The following FBXL6 variants were observed in gnomAD, a reference collection of about 807,000 sequenced individuals.
FBXL6 encodes F-box and leucine rich repeat protein 6.
A neutral mutation model predicts 53.3 loss-of-function variants in FBXL6; 50 were observed. That is an observed-to-expected ratio of 0.94 (90% CI 0.75 to 1.19). The LOEUF (loss-of-function observed/expected upper bound fraction) is 1.19, where lower values mean the gene tolerates loss of function less well. Among genes scored for constraint, FBXL6 ranks in the 50% most tolerant of loss-of-function variants. The probability of loss-of-function intolerance (pLI) is 0.00; values close to 1 mark genes in which losing one functional copy is unlikely to be tolerated. For missense variants in FBXL6, 815 were observed against 719.0 expected, an observed-to-expected ratio of 1.13 and a Z score of -1.53; for synonymous variants, 405 against 322.9, an observed-to-expected ratio of 1.25 and a Z score of -2.73.
Position 144,358,124 on chromosome 8 carries a change from G to C in FBXL6, c.324C>G (p.Asp108Glu). 1.9e-6 allele frequency: 3 copies of C among 1,576,426 alleles called. No individual in the cohort carries two copies. The highest frequency in any genetic ancestry group is 2.3e-5 in the South Asian group (2 of 88,688). Reference protein sequence around the residue: ...APTPTPEEGPDAGWGDRIPLE... With the variant: ...APTPTPEEGPEAGWGDRIPLE... ...AGGGAATGCGGTCTCCCCAGCCCGC[G>C]TCGGGCCCTTCCTCGGGCGTGGGCG... The change falls in exon 1 of 9, where the codon GAC becomes GAG. Residue 108 changes from aspartate to glutamate, a missense_variant. Coordinates refer to ENST00000331890, the MANE Select transcript of FBXL6 (RefSeq NM_012162.4).
At position 144,356,209 on chromosome 8, in the gene FBXL6, C is replaced by T. The variant is rs1586540097; in HGVS notation, c.1231G>A (p.Glu411Lys). 7.6e-7 allele frequency: 1 copy of T among 1,308,314 alleles called. No individual in the cohort carries two copies. Among genetic ancestry groups the T allele is most frequent in the East Asian group, 5.7e-5 (1 of 17,442 alleles). 81.0% of individuals were successfully genotyped at this position (1,308,314 alleles called of 1,614,324 possible). ...CCATACAGGCCCAGATGAAGCTGCT[C>T]CAGCTCTGCAGTGAAAGGAGTGAGC... ...GLQDLPCRELEQLHLGLYGTS... is the reference protein window; with the variant it reads ...GLQDLPCRELKQLHLGLYGTS... The change falls in exon 8 of 9, where the codon GAG becomes AAG. Residue 411 changes from glutamate to lysine, a missense_variant. Transcript: ENST00000331890.
At chr8:144,357,831 T>C (rs1332087666) in intron 1 of FBXL6, 45 bp from the exon 2 acceptor site, 10 of 1,460,988 alleles carry the variant, frequency 6.8e-6, no homozygotes, top group Non-Finnish European at 9.0e-6. Context: ...CCGTAGGCGA[T>C]GCCCCCCTCT....
Position 144,356,006 on chromosome 8 carries a change from A to G in FBXL6, c.1434T>C (p.Leu478=). The change falls in exon 8 of 9, where the codon CTT becomes CTC. Residue 478 remains leucine (L), a synonymous_variant. Transcript: ENST00000331890. ...GTGTGACCCGGGTGCCCCTGAGGTT[A>G]AGAGAGCACAGGGCTGGGTGTGAGC... ...PGGSHPALCS[L]NLRGTRVTPS... is the part of the protein sequence containing the mutation. 5 of 1,613,078 alleles carry G rather than the reference A, an allele frequency of 3.1e-6. No individual in the cohort carries two copies. Among genetic ancestry groups the G allele is most frequent in the Non-Finnish European group, 4.2e-6 (5 of 1,179,958 alleles).
In FBXL6 at chr8:144,356,982, G is replaced by A. The variant is rs782776424; in HGVS notation, c.771+8C>T. ...TTTTTTCAGGGCCCCTTGGGACACAGGGCTCACCATGGAGTGCTGTAGGTC... is the reference window on the plus strand; with the variant it reads ...TTTTTTCAGGGCCCCTTGGGACACAAGGCTCACCATGGAGTGCTGTAGGTC... On this transcript the variant is annotated splice_region_variant and intron_variant, in intron 4 of 8. Coordinates refer to ENST00000331890, the MANE Select transcript of FBXL6 (RefSeq NM_012162.4). 6 of 1,612,932 alleles carry A rather than the reference G, an allele frequency of 3.7e-6. No individual in the cohort carries two copies. In the African/African-American group the frequency reaches 6.7e-5, roughly 18 times the overall value.
rs544748472 is a variant in FBXL6, at chr8:144,356,647, G to C, written c.946C>G (p.Leu316Val). The change falls in exon 6 of 9, where the codon CTT becomes GTT. Residue 316 changes from leucine (L) to valine (V), a missense_variant. Transcript: ENST00000331890. Reference protein sequence around the residue: ...STGINRNSIPLQLPVEALQKG... With the variant: ...STGINRNSIPVQLPVEALQKG... Reference sequence around the variant, plus strand: ...TGCAGAGCCTCGACAGGCAGCTGAAGGGGAATGCTATTACGGTTGATGCCG... The same window carrying C: ...TGCAGAGCCTCGACAGGCAGCTGAACGGGAATGCTATTACGGTTGATGCCG... 3.1e-6 allele frequency: 5 copies of C among 1,613,008 alleles called. No individual in the cohort carries two copies. In the Admixed American group the frequency reaches 6.7e-5, roughly 22 times the overall value.
intron 8 of FBXL6, 63 bp from the exon 9 acceptor site, chr8:144,355,741 G>C: frequency 6.3e-7 from 1 of 1,586,172 alleles, no homozygotes; most frequent in South Asian, 1.1e-5. Flanking sequence ...GCCAGGCTAG[G>C]GAGCTGTGCC....
In FBXL6 at chr8:144,356,054, A is replaced by C; in HGVS notation, c.1386T>G (p.Ala462=). The C allele has an allele frequency of 6.2e-7, 1 of 1,612,976 alleles. No homozygotes were observed. The highest frequency in any genetic ancestry group is 8.5e-7 in the Non-Finnish European group (1 of 1,179,992). The change falls in exon 8 of 9, where the codon GCT becomes GCG. Residue 462 remains alanine, a synonymous_variant. Coordinates refer to ENST00000331890, the MANE Select transcript of FBXL6 (RefSeq NM_012162.4). ...AGCCCCCAGGGGTGCTTAAGAAGGC[A>C]GCCAGGGCCTGCTCCAGGTCCTTCT... ...FSEKDLEQAL[A]AFLSTPGGSH... is the part of the protein sequence containing the mutation.
Position 144,356,926 on chromosome 8 carries a change from A to G in FBXL6, c.772-11T>C. The stretch of plus-strand genomic sequence containing the variant: ...AGCTGTGGACTCCACCTGGGGCCCC[A>G]ATACAAGAGCACCCGTCACCCCGGC... On this transcript the variant is annotated splice_polypyrimidine_tract_variant and intron_variant, in intron 4 of 8. Transcript: ENST00000331890. The G allele has an allele frequency of 6.2e-7, 1 of 1,613,202 alleles. No individual in the cohort carries two copies. Among genetic ancestry groups the G allele is most frequent in the Non-Finnish European group, 8.5e-7 (1 of 1,179,998 alleles).
chr8:144,357,825 A>G, intron 1 of FBXL6, 39 bp from the exon 2 acceptor site: 1 of 1,469,040 alleles, frequency 6.8e-7, no homozygotes, highest in Non-Finnish European at 9.0e-7. Context: ...GCCCCTCCGT[A>G]GGCGATGCCC....
chr8:144,355,884 G>A (rs111276039), intron 8 of FBXL6, 84 bp downstream of exon 8: 2 of 1,581,480 alleles, frequency 1.3e-6, no homozygotes, highest in Non-Finnish European at 1.7e-6. Context: ...GAGGTCTCAG[G>A]CCAGGCAGGA....
At position 144,357,424 on chromosome 8, in the gene FBXL6, G is replaced by C; in HGVS notation, c.639+15C>G. On this transcript the variant is annotated intron_variant, in intron 3 of 8. Transcript: ENST00000331890. Reference sequence around the variant, plus strand: ...AGTGTCACAGCTGATGTGCAGGACAGCCTGGAGCTCTCACCTTCAACACGG... The same window carrying C: ...AGTGTCACAGCTGATGTGCAGGACACCCTGGAGCTCTCACCTTCAACACGG... 6.2e-7 allele frequency: 1 copy of C among 1,609,160 alleles called. No individual in the cohort carries two copies. Among genetic ancestry groups the C allele is most frequent in the South Asian group, 1.1e-5 (1 of 90,280 alleles).
Position 144,356,683 on chromosome 8 carries a change from C to G in FBXL6, c.910G>C (p.Glu304Gln). 1 of 1,612,700 alleles carries G rather than the reference C, an allele frequency of 6.2e-7. No homozygotes were observed. The highest frequency in any genetic ancestry group is 1.1e-5 in the South Asian group (1 of 91,078). Residue 304 changes from glutamate to glutamine, a missense_variant, in exon 6 of 9, where the codon GAG becomes CAG. Glu to Gln is a conservative substitution (Grantham distance 29, BLOSUM62 2). Transcript: ENST00000331890. Reference protein sequence around the residue: ...GSCCPQLQVLEVSTGINRNSI... With the variant: ...GSCCPQLQVLQVSTGINRNSI... ...TTACGGTTGATGCCGGTGCTCACCT[C>G]CAGGACCTGGAGCTGGGGGCAGCAG...
In FBXL6 at chr8:144,358,062, G is replaced by A. The variant is rs782011787; in HGVS notation, c.386C>T (p.Ala129Val). 4 of 1,598,408 alleles carry A rather than the reference G, an allele frequency of 2.5e-6. No individual in the cohort carries two copies. The highest frequency in any genetic ancestry group is 3.4e-6 in the Non-Finnish European group (4 of 1,175,752). The change falls in exon 1 of 9, where the codon GCG becomes GTG. Residue 129 changes from alanine (A) to valine (V), a missense_variant. Physicochemically the swap from Ala to Val is moderately conservative, Grantham distance 64 (BLOSUM62 0). Transcript: ENST00000331890. ...CAGGAAGGGCATGGGGCCGTCCGCCGCCACCAACAACCCGAAAATCTGCAC... is the reference window on the plus strand; with the variant it reads ...CAGGAAGGGCATGGGGCCGTCCGCCACCACCAACAACCCGAAAATCTGCAC... ...ILVQIFGLLVAADGPMPFLGR... is the reference protein window; with the variant it reads ...ILVQIFGLLVVADGPMPFLGR...
At chr8:144,357,937 C>G in intron 1 of FBXL6, 95 bp downstream of exon 1, 1 of 1,456,338 alleles carries the variant, frequency 6.9e-7, no homozygotes, top group Non-Finnish European at 9.0e-7. Context: ...GTGCGCGCTC[C>G]GATGCTTTCG....
rs782196801 is a variant in FBXL6 at position 144,355,995 on chromosome 8, C to T, written c.1445G>A (p.Gly482Asp). Residue 482 changes from glycine to aspartate, a missense_variant, in exon 8 of 9, where the codon GGC becomes GAC. By Grantham distance (94) the Gly-to-Asp change is moderately conservative (BLOSUM62 -1). Transcript: ENST00000331890. Reference sequence around the variant, plus strand: ...GACAGTGCTTGGTGTGACCCGGGTGCCCCTGAGGTTAAGAGAGCACAGGGC... The same window carrying T: ...GACAGTGCTTGGTGTGACCCGGGTGTCCCTGAGGTTAAGAGAGCACAGGGC... ...HPALCSLNLRGTRVTPSTVSS... is the reference protein window; with the variant it reads ...HPALCSLNLRDTRVTPSTVSS... 1.2e-6 allele frequency: 2 copies of T among 1,612,876 alleles called. No individual in the cohort carries two copies. The highest frequency in any genetic ancestry group is 2.7e-5 in the African/African-American group (2 of 74,924).
chr8:144,355,488 G>A lies in FBXL6; in HGVS notation c.*43C>T. On this transcript the variant is annotated 3_prime_UTR_variant, in exon 9 of 9. Transcript: ENST00000331890. Reference sequence around the variant, plus strand: ...AAATATCTGAAATTGGGCAAAGGTGGAGGGTGGGCAAGCTGGCTGAGGTGT... The same window carrying A: ...AAATATCTGAAATTGGGCAAAGGTGAAGGGTGGGCAAGCTGGCTGAGGTGT... The A allele has an allele frequency of 6.3e-7, 1 of 1,593,270 alleles. No individual in the cohort carries two copies. The highest frequency in any genetic ancestry group is 1.3e-5 in the African/African-American group (1 of 74,618).
In FBXL6 at chr8:144,356,879, C is replaced by T; in HGVS notation, c.808G>A (p.Ala270Thr). The T allele has an allele frequency of 1.9e-6, 3 of 1,613,442 alleles. No individual in the cohort carries two copies. In the East Asian group the frequency reaches 6.7e-5, roughly 36 times the overall value. The change falls in exon 5 of 9, where the codon GCA becomes ACA. Residue 270 changes from alanine to threonine, a missense_variant. Ala to Thr is a moderately conservative substitution (Grantham distance 58). Coordinates refer to ENST00000331890, the MANE Select transcript of FBXL6 (RefSeq NM_012162.4). ...CACAACTTGCGCATTCGGGACCCTG[C>T]CTCCTCCAAGAAGCTCACCACAGCT... ...STAVVSFLEE[A>T]GSRMRKLWLT...
In FBXL6 at chr8:144,357,014, A is replaced by G. The variant is rs1332184656; in HGVS notation, c.747T>C (p.His249=). ...VMLAKACCQL[H]SLDLQHSMVE... is the part of the protein sequence containing the mutation. ...CCATGGAGTGCTGTAGGTCCAGGCT[A>G]TGGAGCTGGCAGCAGGCTTTGGCTA... The change falls in exon 4 of 9, where the codon CAT becomes CAC. Residue 249 remains histidine, a synonymous_variant. Transcript: ENST00000331890. The G allele has an allele frequency of 6.8e-6, 11 of 1,612,866 alleles. No homozygotes were observed. The highest frequency in any genetic ancestry group is 9.3e-6 in the Non-Finnish European group (11 of 1,180,006).
In FBXL6 at chr8:144,357,720, G is replaced by A; in HGVS notation, c.483C>T (p.Thr161=). 1 of 1,608,370 alleles carries A rather than the reference G, an allele frequency of 6.2e-7. No individual in the cohort carries two copies. The highest frequency in any genetic ancestry group is 8.5e-7 in the Non-Finnish European group (1 of 1,178,300). The part of the protein sequence containing the change: ...ASQPALWHTV[T]LSSPLVGRPA... ...GCCGGCCGACCAGCGGGGACGACAG[G>A]GTCACGGTGTGCCAGAGCGCGGGTT... The change falls in exon 2 of 9, where the codon ACC becomes ACT. Residue 161 remains threonine (T), a synonymous_variant. Coordinates refer to ENST00000331890, the MANE Select transcript of FBXL6 (RefSeq NM_012162.4).
Sources: gnomAD v4.1 joint callset for allele counts on GRCh38, gnomAD v4.1.1 for gene constraint, MANE v1.5 for transcripts, NCBI Gene and HGNC (gene_info 2026-07-23, HGNC 2026-07-21) for gene names.